The following PTPRD variants were observed in gnomAD, a reference collection of about 807,000 sequenced individuals.
PTPRD encodes receptor-type tyrosine-protein phosphatase delta.
In PTPRD, 34 loss-of-function variants were observed where a neutral mutation model predicts 214.5. That is an observed-to-expected ratio of 0.16 (90% CI 0.12 to 0.21). The LOEUF is 0.21. PTPRD is among the 10% of genes least tolerant of loss of function. PTPRD has a pLI of 1.00. For missense variants in PTPRD, 2,545 were observed against 2,398.7 expected, an observed-to-expected ratio of 1.06 and a Z score of -1.27; for synonymous variants, 1,128 against 845.7, an observed-to-expected ratio of 1.33 and a Z score of -5.79.
At chr9:9,805,776 G>C (rs1176384720) in intron 5 of PTPRD, among the ~76,000 whole-genome samples, 4 of 152,086 alleles carry the variant, frequency 2.6e-5, no homozygotes. Context: ...TTGTTTATCA[G>C]CGTCTTGCTT....
intron 4 of PTPRD, among the ~76,000 whole-genome samples, chr9:9,941,822 T>A (rs544219575): frequency 1.3e-5 from 2 of 152,276 alleles, no homozygotes; most frequent in African/African-American, 4.8e-5. Context: ...AAAATTCATG[T>A]CATTCATTCC....
intron 36 of PTPRD, among the ~76,000 whole-genome samples, chr9:8,389,801 A>G (rs968732871): frequency 6.6e-6 from 1 of 152,170 alleles, no homozygotes; most frequent in Non-Finnish European, 1.5e-5. Context: ...CTGAGTCTGA[A>G]AATACAAAAT....
At chr9:10,485,921 G>A (rs1291248209) in intron 2 of PTPRD, among the ~76,000 whole-genome samples, 1 of 151,934 alleles carries the variant, frequency 6.6e-6, no homozygotes, top group Non-Finnish European at 1.5e-5. Context: ...GGTATCAGTT[G>A]CAGTATCTCC....
intron 8 of PTPRD, among the ~76,000 whole-genome samples, chr9:9,472,133 T>G (rs962800457): frequency 3.3e-5 from 5 of 151,906 alleles, no homozygotes; most frequent in Admixed American, 1.3e-4. Flanking sequence ...CAAAAGGACG[T>G]GTCTCATTTA....
intron 7 of PTPRD, among the ~76,000 whole-genome samples, chr9:9,609,003 C>T (rs940283420): frequency 6.6e-6 from 1 of 151,970 alleles, no homozygotes; most frequent in African/African-American, 2.4e-5. Flanking sequence ...TGTGATTATA[C>T]CCAATTTCTC....
chr9:9,906,333 C>A (rs192359055), intron 5 of PTPRD, among the ~76,000 whole-genome samples: 24 of 152,040 alleles, frequency 1.6e-4, no homozygotes, highest in African/African-American at 5.5e-4. Context: ...CTAGGTCCCT[C>A]CAGTAATTCC....
intron 9 of PTPRD, among the ~76,000 whole-genome samples, chr9:9,343,860 T>C (rs191204907): frequency 6.6e-6 from 1 of 152,058 alleles, no homozygotes; most frequent in African/African-American, 2.4e-5. Flanking sequence ...AAATGTTATA[T>C]CCTGGGTGAA....
At chr9:8,532,737 G>T (rs1269470770) in intron 14 of PTPRD, among the ~76,000 whole-genome samples, 1 of 151,940 alleles carries the variant, frequency 6.6e-6, no homozygotes, top group East Asian at 1.9e-4. Context: ...ATTTTGAGAG[G>T]CCATTAAAGG....
chr9:8,991,272 T>G (rs2099365612), intron 11 of PTPRD, among the ~76,000 whole-genome samples: 5 of 151,806 alleles, frequency 3.3e-5, no homozygotes, highest in Non-Finnish European at 1.5e-5. Context: ...CATTTGATCT[T>G]CATCCTGAAA....
chr9:9,446,780 G>T (rs770297047), intron 8 of PTPRD, among the ~76,000 whole-genome samples: 2 of 152,066 alleles, frequency 1.3e-5, no homozygotes, highest in African/African-American at 2.4e-5. Flanking sequence ...CAAGGGTCTA[G>T]TATCCCACAT....
chr9:8,842,639 A>G (rs974323488), intron 11 of PTPRD, among the ~76,000 whole-genome samples: 1 of 152,144 alleles, frequency 6.6e-6, no homozygotes, highest in Non-Finnish European at 1.5e-5. Context: ...CATTCCCACC[A>G]AACTGTCAGG....
chr9:9,978,278 T>C (rs2095427172), intron 4 of PTPRD, among the ~76,000 whole-genome samples: 1 of 152,002 alleles, frequency 6.6e-6, no homozygotes, highest in South Asian at 2.1e-4. Context: ...AATAACTATG[T>C]GAAACCTGTT....
At chr9:9,674,242 G>C (rs2096886870) in intron 7 of PTPRD, among the ~76,000 whole-genome samples, 1 of 151,756 alleles carries the variant, frequency 6.6e-6, no homozygotes, top group African/African-American at 2.4e-5. Context: ...TTTAGGTATT[G>C]ATACTGTTTA....
intron 7 of PTPRD, among the ~76,000 whole-genome samples, chr9:9,719,706 C>T (rs2097901593): frequency 6.6e-6 from 1 of 152,206 alleles, no homozygotes; most frequent in Admixed American, 6.5e-5. Context: ...CTTCTGGGAT[C>T]CCCGACCTCA....
At chr9:10,051,600 C>G (rs1452471940) in intron 3 of PTPRD, among the ~76,000 whole-genome samples, 1 of 151,512 alleles carries the variant, frequency 6.6e-6, no homozygotes, top group Non-Finnish European at 1.5e-5. Flanking sequence ...TCCCTCCCCA[C>G]TCCCCCCACC....
intron 8 of PTPRD, among the ~76,000 whole-genome samples, chr9:9,518,623 G>C (rs965428608): frequency 2.0e-5 from 3 of 151,890 alleles, no homozygotes; most frequent in Non-Finnish European, 4.4e-5. Context: ...CAAAAACCTG[G>C]GACCCGAAAG....
chr9:9,722,390 G>A lies in PTPRD; in HGVS notation c.-287+12143C>T, dbSNP rs79516398. Among the ~76,000 whole-genome samples, 1,380 of 152,020 alleles carry A rather than the reference G, an allele frequency of 9.1e-3. 10 individuals carry two copies. Among genetic ancestry groups the A allele is most frequent in the Non-Finnish European group, 0.011 (757 of 67,914 alleles). On this transcript the variant is annotated intron_variant, in intron 7 of 45. Coordinates refer to ENST00000381196, the MANE Select transcript of PTPRD (RefSeq NM_002839.4). ...TCCAGATTCATTCATATTACAGCAC[G>A]TAACAGTACTTCATTTCTTTTACTT...
At chr9:9,259,888 A>C (rs2099979343) in intron 9 of PTPRD, among the ~76,000 whole-genome samples, 1 of 151,872 alleles carries the variant, frequency 6.6e-6, no homozygotes, top group Non-Finnish European at 1.5e-5. Flanking sequence ...AGATGAACTT[A>C]GGAAAAGTGA....
At chr9:9,917,753 T>C (rs554111040) in intron 5 of PTPRD, among the ~76,000 whole-genome samples, 46 of 152,116 alleles carry the variant, frequency 3.0e-4, no homozygotes, top group African/African-American at 1.0e-3. Flanking sequence ...CATGATTAAA[T>C]GGGAGTTATC....
Sources: gnomAD v4.1 joint callset for allele counts (sites outside exome capture counted in the v4.1 genomes callset) on GRCh38, gnomAD v4.1.1 for gene constraint, MANE v1.5 for transcripts, NCBI Gene and HGNC (gene_info 2026-07-23, HGNC 2026-07-21) for gene names.